The following SEMA3A variants were observed in gnomAD, a reference collection of about 807,000 sequenced individuals.
SEMA3A encodes semaphorin 3A.
SEMA3A carries 29 observed loss-of-function variants against 97.9 expected under a neutral mutation model. That is an observed-to-expected ratio of 0.30 (90% CI 0.22 to 0.40). The LOEUF is 0.40. SEMA3A is among the 10% of genes least tolerant of loss of function. SEMA3A has a pLI of 1.00. For synonymous variants in SEMA3A, 321 were observed against 323.7 expected (o/e 0.99, Z 0.09); for missense variants, 763 against 951.3 (o/e 0.80, Z 2.60).
intron 15 of SEMA3A, among the ~76,000 whole-genome samples, chr7:83,973,841 T>C (rs1789017228): frequency 6.6e-6 from 1 of 151,064 alleles, no homozygotes; most frequent in African/African-American, 2.4e-5. Flanking sequence ...ATATAAAATA[T>C]TTCAAAGATT....
At chr7:84,384,488 G>GT (rs898280192) in intron 1 of SEMA3A, among the ~76,000 whole-genome samples, 2 of 152,018 alleles carry the variant, frequency 1.3e-5, no homozygotes, top group African/African-American at 2.4e-5. Context: ...GTCAGGAAAG[G>GT]TTTTTTTATA....
intron 6 of SEMA3A, among the ~76,000 whole-genome samples, chr7:84,020,424 T>C (rs1791286505): frequency 6.6e-6 from 1 of 150,962 alleles, no homozygotes; most frequent in Non-Finnish European, 1.5e-5. Flanking sequence ...ATGTCAACTT[T>C]CCTATTTTTT....
intron 1 of SEMA3A, among the ~76,000 whole-genome samples, chr7:84,425,112 A>G (rs1219617038): frequency 9.2e-6 from 1 of 108,264 alleles, no homozygotes; most frequent in Non-Finnish European, 1.7e-5. Flanking sequence ...ATAAATATAT[A>G]TTTATATAAA....
intron 3 of SEMA3A, among the ~76,000 whole-genome samples, chr7:84,235,965 C>T (rs1424912397): frequency 1.3e-5 from 2 of 152,074 alleles, no homozygotes; most frequent in Admixed American, 6.6e-5. Context: ...TATTTTCCTC[C>T]CACAACTTCA....
At position 84,433,330 on chromosome 7, in the gene SEMA3A, G is replaced by T. The variant is rs1326456507; in HGVS notation, c.-246+59130C>A. Among the ~76,000 whole-genome samples the T allele has an allele frequency of 3.4e-5, 5 of 148,866 alleles. 1 individual carries two copies. In the Admixed American group the frequency reaches 3.4e-4, roughly 10 times the overall value. On this transcript the variant is annotated intron_variant, in intron 1 of 3. Transcript: ENST00000424555. ...TTATGAGTGAGAACATGCAGTGTTTGGTTTTCTGTTCTTGTGTTAGTTTGC... is the reference window on the plus strand; with the variant it reads ...TTATGAGTGAGAACATGCAGTGTTTTGTTTTCTGTTCTTGTGTTAGTTTGC...
intron 1 of SEMA3A, among the ~76,000 whole-genome samples, chr7:84,139,626 G>A (rs1314511065): frequency 1.3e-5 from 2 of 152,002 alleles, no homozygotes; most frequent in African/African-American, 2.4e-5. Flanking sequence ...CAATGAAGAC[G>A]ACAAGCTTTA....
intron 2 of SEMA3A, among the ~76,000 whole-genome samples, chr7:84,329,930 G>A (rs962227575): frequency 6.6e-6 from 1 of 151,692 alleles, no homozygotes; most frequent in Non-Finnish European, 1.5e-5. Context: ...GCCAACTTAG[G>A]GCTTGTAACT....
chr7:84,038,248 T>C (rs140074055), intron 6 of SEMA3A, among the ~76,000 whole-genome samples: 72 of 152,244 alleles, frequency 4.7e-4, no homozygotes, highest in African/African-American at 1.5e-3. Flanking sequence ...TCATCTGGTC[T>C]TGTTTTCCCT....
intron 2 of SEMA3A, among the ~76,000 whole-genome samples, chr7:84,317,990 A>T (rs1801550611): frequency 6.6e-6 from 1 of 152,190 alleles, no homozygotes; most frequent in Non-Finnish European, 1.5e-5. Context: ...AAACAAAAAG[A>T]GTTGTCCATA....
chr7:84,449,119 A>T (rs1805497905), intron 1 of SEMA3A, among the ~76,000 whole-genome samples: 1 of 152,210 alleles, frequency 6.6e-6, no homozygotes, highest in Non-Finnish European at 1.5e-5. Context: ...CCTTTACCTA[A>T]CACCATATAC....
intron 3 of SEMA3A, among the ~76,000 whole-genome samples, chr7:84,266,425 G>T (rs1800005017): frequency 6.6e-6 from 1 of 151,290 alleles, no homozygotes; most frequent in Non-Finnish European, 1.5e-5. Flanking sequence ...GGCTATAAGA[G>T]AGTGACTGCA....
rs534605035 is a variant in SEMA3A, at chr7:84,479,259, G to A, written c.-246+13201C>T. Among the ~76,000 whole-genome samples the A allele has an allele frequency of 1.5e-3, 235 of 152,158 alleles. 1 individual carries two copies. Among genetic ancestry groups the A allele is most frequent in the African/African-American group, 5.4e-3 (223 of 41,516 alleles). ...TTAAGGTTAATGGCTAAGTGCTTAA[G>A]GTTAAGTGCTATATTTACATAGCTG... On this transcript the variant is annotated intron_variant, in intron 1 of 3. Coordinates refer to the SEMA3A transcript ENST00000424555.
intron 1 of SEMA3A, among the ~76,000 whole-genome samples, chr7:84,192,726 C>A (rs946077974): frequency 6.6e-6 from 1 of 151,784 alleles, no homozygotes; most frequent in Non-Finnish European, 1.5e-5. Context: ...AAGTTTAATT[C>A]CCTATTTTTA....
chr7:84,016,944 A>G (rs1791129306), intron 6 of SEMA3A, among the ~76,000 whole-genome samples: 1 of 152,218 alleles, frequency 6.6e-6, no homozygotes, highest in African/African-American at 2.4e-5. Context: ...TTGGTCTACT[A>G]TTACCTCCCA....
chr7:84,087,001 T>A (rs974741581), intron 4 of SEMA3A, among the ~76,000 whole-genome samples: 6 of 152,290 alleles, frequency 3.9e-5, no homozygotes, highest in Admixed American at 3.9e-4. Flanking sequence ...ATCAAATTTG[T>A]CTTTCTACTA....
intron 3 of SEMA3A, among the ~76,000 whole-genome samples, chr7:84,231,578 A>G (rs1057143767): frequency 1.3e-5 from 2 of 152,028 alleles, no homozygotes; most frequent in Non-Finnish European, 2.9e-5. Context: ...GACCTATTAC[A>G]CTACTTAAAA....
At chr7:84,424,478 T>C (rs1198773460) in intron 1 of SEMA3A, among the ~76,000 whole-genome samples, 2 of 101,286 alleles carry the variant, frequency 2.0e-5, no homozygotes, top group Admixed American at 2.9e-4. Context: ...ATACAATATA[T>C]AATATATTGA....
At chr7:84,389,725 G>C (rs1023750052) in intron 1 of SEMA3A, among the ~76,000 whole-genome samples, 1 of 151,410 alleles carries the variant, frequency 6.6e-6, no homozygotes, top group Non-Finnish European at 1.5e-5. Flanking sequence ...CATTAATTAC[G>C]TACTTGAATG....
chr7:84,437,836 T>C (rs1307135781), intron 1 of SEMA3A, among the ~76,000 whole-genome samples: 3 of 152,034 alleles, frequency 2.0e-5, no homozygotes, highest in Non-Finnish European at 4.4e-5. Flanking sequence ...AGATGCTGTT[T>C]TTCAGAAACA....
Sources: allele counts gnomAD v4.1 joint callset (sites outside exome capture counted in the v4.1 genomes callset), GRCh38; gene constraint gnomAD v4.1.1; transcripts MANE v1.5; gene names NCBI Gene and HGNC (gene_info 2026-07-23, HGNC 2026-07-21).